CASP6: variants seen among roughly 807,000 people sequenced by gnomAD.
CASP6 encodes the protein caspase 6.
Under a neutral mutation model 31.8 loss-of-function variants are expected in CASP6, and 20 were observed. The ratio of observed to expected loss-of-function variants is 0.63; its 90% CI spans 0.44 to 0.91. The LOEUF is 0.91. Ranked by LOEUF, CASP6 falls within the 40% of genes least tolerant of loss-of-function variation. CASP6 has a pLI of 0.00. For synonymous variants in CASP6, 130 were observed against 127.8 expected (o/e 1.02, Z -0.12); for missense variants, 328 against 361.1 (o/e 0.91, Z 0.74).
At chr4:109,688,579 C>T (rs1712427116), downstream of CASP6, 1 of 152,026 alleles carries the variant, frequency 6.6e-6, no homozygotes, top group Non-Finnish European at 1.5e-5. Context: ...AAACATCTAT[C>T]AATTACACAA....
chr4:109,698,416 C>T, intron 1 of CASP6, 74 bp from the exon 2 acceptor site: 1 of 1,253,564 alleles, frequency 8.0e-7, no homozygotes, highest in Non-Finnish European at 1.1e-6. Flanking sequence ...CTCCCATCCC[C>T]CTTCTGACTC....
upstream of CASP6, among the ~76,000 whole-genome samples, chr4:109,704,357 TA>T (rs1730534248): frequency 6.6e-6 from 1 of 152,130 alleles, no homozygotes; most frequent in Non-Finnish European, 1.5e-5. Flanking sequence ...TGAAGGAAAT[TA>T]AAAATGCTAC....
chr4:109,678,911 G>A, the CASP6 span, among the ~76,000 whole-genome samples: 3 of 147,036 alleles, frequency 2.0e-5, no homozygotes, highest in African/African-American at 7.9e-5. Context: ...TGGCGGCCGG[G>A]CAGAGGCGCT....
At chr4:109,689,615 A>G (rs780177142) in intron 6 of CASP6, 47 bp from the exon 7 acceptor site, 2 of 1,515,982 alleles carry the variant, frequency 1.3e-6, no homozygotes, top group Admixed American at 1.7e-5. Context: ...CTGGCTTTCA[A>G]TTACTGTGTG....
rs564479204 is a variant in CASP6 at position 109,703,135 on chromosome 4, C to T, written c.40+221G>A. Reference sequence around the variant, plus strand: ...GCTACTCGGGACCGCCAGGAGGCGGCAGCCAGGTCCCCGAGTGTTTCTTAG... The same window carrying T: ...GCTACTCGGGACCGCCAGGAGGCGGTAGCCAGGTCCCCGAGTGTTTCTTAG... On this transcript the variant is annotated intron_variant, in intron 1 of 6. Transcript: ENST00000265164. Among the ~76,000 whole-genome samples, 160 of 152,296 alleles carry T rather than the reference C, an allele frequency of 1.1e-3. 2 individuals are homozygous for T. Among genetic ancestry groups the T allele is most frequent in the South Asian group, 4.3e-3 (21 of 4,830 alleles).
chr4:109,688,155 C>T (rs756150545), downstream of CASP6: 3 of 152,132 alleles, frequency 2.0e-5, no homozygotes, highest in African/African-American at 4.8e-5. Context: ...TGTATATAAA[C>T]GATTGCTTTT....
chr4:109,665,064 C>A, the CASP6 span, among the ~76,000 whole-genome samples: 2 of 152,184 alleles, frequency 1.3e-5, no homozygotes, highest in African/African-American at 4.8e-5. Context: ...TATCCCACAC[C>A]AGACTGGTAT....
chr4:109,706,645 G>T (rs1279005671), upstream of CASP6, among the ~76,000 whole-genome samples: 2 of 152,114 alleles, frequency 1.3e-5, no homozygotes, highest in Non-Finnish European at 2.9e-5. Flanking sequence ...AACAATCAAT[G>T]GATGGCCAGG....
At chr4:109,708,874 T>C in the CASP6 span, among the ~76,000 whole-genome samples, 2 of 152,236 alleles carry the variant, frequency 1.3e-5, no homozygotes, top group African/African-American at 4.8e-5. Context: ...TGTATAATTT[T>C]AGCCTCTTAA....
chr4:109,691,737 T>G (rs1465367294), intron 5 of CASP6, among the ~76,000 whole-genome samples: 2 of 152,140 alleles, frequency 1.3e-5, no homozygotes, highest in Non-Finnish European at 2.9e-5. Context: ...GACAGGGCCT[T>G]TAGAGGTGAT....
At chr4:109,699,171 C>T (rs1051606555) in intron 1 of CASP6, among the ~76,000 whole-genome samples, 1 of 152,168 alleles carries the variant, frequency 6.6e-6, no homozygotes, top group Non-Finnish European at 1.5e-5. Context: ...AATAAAGGCC[C>T]CATCCACTCA....
chr4:109,702,268 A>C (rs969193215), intron 1 of CASP6, among the ~76,000 whole-genome samples: 1 of 152,114 alleles, frequency 6.6e-6, no homozygotes, highest in African/African-American at 2.4e-5. Context: ...TCCTTTGTGC[A>C]GCAAAATATA....
At chr4:109,709,345 C>T in the CASP6 span, among the ~76,000 whole-genome samples, 1 of 152,184 alleles carries the variant, frequency 6.6e-6, no homozygotes, top group Non-Finnish European at 1.5e-5. Context: ...CCAACATAGA[C>T]TGGAATCCTA....
Position 109,696,505 on chromosome 4 carries a change from A to T in CASP6, c.231-19T>A. The T allele has an allele frequency of 6.4e-7, 1 of 1,561,676 alleles. No homozygotes were observed. Among genetic ancestry groups the T allele is most frequent in the Non-Finnish European group, 8.8e-7 (1 of 1,136,310 alleles). On this transcript the variant is annotated intron_variant, in intron 3 of 6. Transcript: ENST00000265164. ...TGAAAACCTAGTGGTATATTAAATGAAATGTTAGCCTATAAACTTTTCAAA... is the reference window on the plus strand; with the variant it reads ...TGAAAACCTAGTGGTATATTAAATGTAATGTTAGCCTATAAACTTTTCAAA...
chr4:109,705,323 G>A (rs7682236), upstream of CASP6, among the ~76,000 whole-genome samples: 101,229 of 152,050 alleles, frequency 0.67, 34,234 homozygotes, highest in African/African-American at 0.79. Flanking sequence ...GTGCTCAGAA[G>A]AAAGGTTCCT....
At chr4:109,687,066 T>C (rs896462475), downstream of CASP6, among the ~76,000 whole-genome samples, 1 of 152,090 alleles carries the variant, frequency 6.6e-6, no homozygotes, top group Non-Finnish European at 1.5e-5. Flanking sequence ...ACTCATCTTT[T>C]AAAAAGATCC....
chr4:109,673,817 C>G, the CASP6 span: 1 of 710,978 alleles, frequency 1.4e-6, no homozygotes, highest in African/African-American at 1.8e-5. Context: ...TTTTTTCGCT[C>G]TAGGGAGATT....
the CASP6 span, among the ~76,000 whole-genome samples, chr4:109,679,833 T>C: frequency 6.6e-6 from 1 of 151,842 alleles, no homozygotes; most frequent in African/African-American, 2.4e-5. Flanking sequence ...ACAGAGTCTC[T>C]CTGTGTCACC....
In CASP6 at chr4:109,696,417, A is replaced by G. The variant is rs1420586741; in HGVS notation, c.300T>C (p.Ile100=). Residue 100 remains isoleucine, a synonymous_variant, in exon 4 of 7, where the codon ATT becomes ATC. Coordinates refer to ENST00000265164, the MANE Select transcript of CASP6 (RefSeq NM_001226.4). ...GATAGCAAAACTACCTACCCTCATGAATTTTGAGCAGTAGTTCTTCTGCTT... is the reference window on the plus strand; with the variant it reads ...GATAGCAAAACTACCTACCCTCATGGATTTTGAGCAGTAGTTCTTCTGCTT... ...DLKAEELLLK[I]HEVSTVSHAD... The G allele has an allele frequency of 6.2e-6, 10 of 1,611,324 alleles. No individual in the cohort carries two copies. In the South Asian group the frequency reaches 1.1e-4, roughly 18 times the overall value.
Sources: gnomAD v4.1 joint callset for allele counts (sites outside exome capture counted in the v4.1 genomes callset) on GRCh38, gnomAD v4.1.1 for gene constraint, MANE v1.5 for transcripts, NCBI Gene and HGNC (gene_info 2026-07-23, HGNC 2026-07-21) for gene names.